The following KSR2 variants were observed in gnomAD, a reference collection of about 807,000 sequenced individuals.
The protein encoded by KSR2 is kinase suppressor of ras 2.
In KSR2, 25 loss-of-function variants were observed where a neutral mutation model predicts 107.8. The observed-to-expected ratio is 0.23, with a 90% CI of 0.17 to 0.32. The LOEUF is 0.32. KSR2 is among the 10% of genes least tolerant of loss of function. The pLI is 1.00. For synonymous variants in KSR2, 480 were observed against 507.0 expected, an observed-to-expected ratio of 0.95 and a Z score of 0.71; for missense variants, 887 against 1,268.9, an observed-to-expected ratio of 0.70 and a Z score of 4.57.
At chr12:117,598,452 T>TGTAA (rs1281194806) in intron 5 of KSR2, among the ~76,000 whole-genome samples, 1 of 152,206 alleles carries the variant, frequency 6.6e-6, no homozygotes, top group Non-Finnish European at 1.5e-5. Flanking sequence ...AACATGCATG[T>TGTAA]GTAAGTGTCT....
At position 117,714,244 on chromosome 12, in the gene KSR2, G is replaced by A. The variant is rs544924696; in HGVS notation, c.987-46586C>T. 3.9e-5 allele frequency among the ~76,000 whole-genome samples: 6 copies of A among 152,214 alleles called. No homozygotes were observed. The South Asian group carries it at 8.3e-4, about 21-fold the overall frequency. The stretch of plus-strand genomic sequence containing the variant: ...GAGGCTGCAAATGATAAACTGCACC[G>A]TTCTCTGAAGGGAACTTTAAGTAAT... On this transcript the variant is annotated intron_variant, in intron 4 of 19. Transcript: ENST00000339824.
intron 9 of KSR2, among the ~76,000 whole-genome samples, chr12:117,552,450 T>C (rs1451081363): frequency 1.3e-5 from 2 of 152,220 alleles, no homozygotes. Context: ...AGTGACACTG[T>C]CAAAGTTCCA....
At chr12:117,493,001 C>CT in intron 14 of KSR2, among the ~76,000 whole-genome samples, 1 of 152,272 alleles carries the variant, frequency 6.6e-6, no homozygotes, top group Middle Eastern at 3.4e-3. Flanking sequence ...CTTTGGACTT[C>CT]TGACTTTCAG....
chr12:117,553,841 C>A (rs1400617120), intron 9 of KSR2, among the ~76,000 whole-genome samples: 1 of 150,658 alleles, frequency 6.6e-6, no homozygotes, highest in Admixed American at 6.6e-5. Flanking sequence ...CCTTCCCTCC[C>A]CTCTCCTCTC....
chr12:117,558,877 G>C (rs936460566), intron 7 of KSR2, among the ~76,000 whole-genome samples: 1 of 151,846 alleles, frequency 6.6e-6, no homozygotes, highest in Non-Finnish European at 1.5e-5. Context: ...TGAATAGATG[G>C]ATAAATGGGT....
At chr12:117,565,199 C>T (rs117780293) in intron 7 of KSR2, among the ~76,000 whole-genome samples, 2,811 of 152,312 alleles carry the variant, frequency 0.018, 39 homozygotes, top group Middle Eastern at 0.031. Flanking sequence ...AAGACTGTCA[C>T]GTCAATTTCT....
At chr12:117,557,001 T>C (rs1399280237) in intron 8 of KSR2, among the ~76,000 whole-genome samples, 1 of 151,894 alleles carries the variant, frequency 6.6e-6, no homozygotes, top group Non-Finnish European at 1.5e-5. Flanking sequence ...CCTGTCTCTA[T>C]TAAAAATCCA....
At chr12:117,693,679 G>A (rs1885925883) in intron 4 of KSR2, among the ~76,000 whole-genome samples, 1 of 152,144 alleles carries the variant, frequency 6.6e-6, no homozygotes, top group Non-Finnish European at 1.5e-5. Flanking sequence ...CCATAATAGT[G>A]ATGTTCTGGG....
rs78618991 is a variant in KSR2 at position 117,937,339 on chromosome 12, T to C, written c.180+30737A>G. 0.01 allele frequency among the ~76,000 whole-genome samples: 1,541 copies of C among 152,188 alleles called. 50 individuals are homozygous for C. In the East Asian group the frequency reaches 0.11, roughly 11 times the overall value. ...TGTATTTCCGTTTCACCACCTCTTTTCTCCTGGCTTTATTTCCCCTCCCTC... is the reference window on the plus strand; with the variant it reads ...TGTATTTCCGTTTCACCACCTCTTTCCTCCTGGCTTTATTTCCCCTCCCTC... On this transcript the variant is annotated intron_variant, in intron 1 of 19. Transcript: ENST00000339824.
chr12:117,768,292 T>C (rs1378171578), intron 3 of KSR2, among the ~76,000 whole-genome samples: 1 of 152,198 alleles, frequency 6.6e-6, no homozygotes, highest in Non-Finnish European at 1.5e-5. Context: ...TGCCAGCTCC[T>C]GATCATACCA....
At chr12:117,830,137 G>A (rs1256470989) in intron 3 of KSR2, among the ~76,000 whole-genome samples, 1 of 152,038 alleles carries the variant, frequency 6.6e-6, no homozygotes, top group Non-Finnish European at 1.5e-5. Flanking sequence ...GCATGGTGGT[G>A]CATGCCTGTA....
At chr12:117,941,457 T>A (rs1191332899) in intron 1 of KSR2, among the ~76,000 whole-genome samples, 2 of 152,110 alleles carry the variant, frequency 1.3e-5, no homozygotes, top group South Asian at 2.1e-4. Flanking sequence ...TACATTTTTT[T>A]AAAACCAAGC....
At chr12:117,594,989 A>G (rs2136277584) in intron 5 of KSR2, among the ~76,000 whole-genome samples, 1 of 152,230 alleles carries the variant, frequency 6.6e-6, no homozygotes, top group African/African-American at 2.4e-5. Context: ...AAGACAGGGA[A>G]GGACCTAGAT....
chr12:117,548,609 G>A (rs183429043), intron 9 of KSR2, among the ~76,000 whole-genome samples: 10 of 152,050 alleles, frequency 6.6e-5, no homozygotes, highest in African/African-American at 1.9e-4. Context: ...AGTTATATGT[G>A]GATTTTCAAC....
At chr12:117,558,301 G>T (rs985369788) in intron 8 of KSR2, among the ~76,000 whole-genome samples, 5 of 152,140 alleles carry the variant, frequency 3.3e-5, no homozygotes, top group African/African-American at 1.2e-4. Context: ...GACCAGTAGA[G>T]GGGCAAGAAA....
intron 5 of KSR2, 87 bp from the exon 6 acceptor site, chr12:117,582,446 G>T: frequency 1.0e-6 from 1 of 963,558 alleles, no homozygotes; most frequent in Non-Finnish European, 1.7e-6. Context: ...AGGGGGGCTC[G>T]TCACCCTCAG....
At chr12:117,685,661 G>A (rs1230777906) in intron 4 of KSR2, among the ~76,000 whole-genome samples, 1 of 152,216 alleles carries the variant, frequency 6.6e-6, no homozygotes, top group Non-Finnish European at 1.5e-5. Flanking sequence ...ATCAGAGGCT[G>A]TAGAAGACAG....
At chr12:117,468,904 G>A (rs1342464016) in intron 19 of KSR2, among the ~76,000 whole-genome samples, 1 of 152,188 alleles carries the variant, frequency 6.6e-6, no homozygotes, top group Non-Finnish European at 1.5e-5. Context: ...TACTGCTCCT[G>A]TGTCTGCATG....
chr12:117,793,235 C>CAT (rs1482443912), intron 3 of KSR2, among the ~76,000 whole-genome samples: 1 of 145,772 alleles, frequency 6.9e-6, no homozygotes, highest in African/African-American at 2.7e-5. Context: ...AACATGCACA[C>CAT]ACACCAACCT....
Sources: gnomAD v4.1 joint callset for allele counts (sites outside exome capture counted in the v4.1 genomes callset) on GRCh38, gnomAD v4.1.1 for gene constraint, MANE v1.5 for transcripts, NCBI Gene and HGNC (gene_info 2026-07-23, HGNC 2026-07-21) for gene names.